PRKCZ: variants seen among roughly 807,000 people sequenced by gnomAD.
PRKCZ encodes protein kinase C zeta.
In PRKCZ, 33 loss-of-function variants were observed where a neutral mutation model predicts 79.5. The ratio of observed to expected loss-of-function variants is 0.41; its 90% CI spans 0.31 to 0.55. The LOEUF is 0.55. Among genes scored for constraint, PRKCZ ranks in the 20% least tolerant of loss-of-function variants. The probability of loss-of-function intolerance (pLI) is 0.19; values close to 1 mark genes in which losing one functional copy is unlikely to be tolerated. For synonymous variants in PRKCZ, 342 were observed against 320.9 expected (o/e 1.07, Z -0.70); for missense variants, 578 against 813.5 (o/e 0.71, Z 3.52).
chr1:2,087,991 G>T (rs569766121), intron 4 of PRKCZ, among the ~76,000 whole-genome samples: 1 of 152,244 alleles, frequency 6.6e-6, no homozygotes, highest in African/African-American at 2.4e-5. Flanking sequence ...CGTGCTGGCC[G>T]CCTGGACACT....
intron 4 of PRKCZ, among the ~76,000 whole-genome samples, chr1:2,134,214 G>A (rs770675078): frequency 6.6e-6 from 1 of 152,302 alleles, no homozygotes; most frequent in Admixed American, 6.5e-5. Context: ...TCTTGGTTTC[G>A]CTCTGAATCT....
intron 4 of PRKCZ, among the ~76,000 whole-genome samples, chr1:2,071,697 G>A (rs1313998211): frequency 1.3e-5 from 2 of 152,244 alleles, no homozygotes; most frequent in Non-Finnish European, 2.9e-5. Context: ...TTGGCTGAAG[G>A]ACAGTGGTCG....
chr1:2,061,929 C>T (rs1281689810), intron 4 of PRKCZ, among the ~76,000 whole-genome samples: 2 of 152,140 alleles, frequency 1.3e-5, no homozygotes, highest in Non-Finnish European at 2.9e-5. Context: ...TGGGGGTGTT[C>T]ACAGGTGTTT....
At chr1:2,162,223 CT>C (rs1250231015) in intron 10 of PRKCZ, among the ~76,000 whole-genome samples, 2 of 152,246 alleles carry the variant, frequency 1.3e-5, no homozygotes, top group Non-Finnish European at 2.9e-5. Context: ...CCTCCGCCCC[CT>C]GGGTTCGAGG....
chr1:2,081,920 C>T (rs554157850), intron 4 of PRKCZ, among the ~76,000 whole-genome samples: 17 of 152,284 alleles, frequency 1.1e-4, no homozygotes, highest in South Asian at 6.2e-4. Context: ...GGGCAGAGAG[C>T]GGCACCATCG....
At position 2,059,590 on chromosome 1, in the gene PRKCZ, C is replaced by T. The variant is rs746191235; in HGVS notation, c.333C>T (p.Asp111=). The change falls in exon 4 of 18, where the codon GAC becomes GAT. Residue 111 remains aspartate, a splice_region_variant and synonymous_variant. Transcript: ENST00000378567. ...CTGGCCTGCCATGTCCGGGAGAAGA[C>T]AGTGAGTACTGGGGTTTCCTACGCC... is the stretch of plus-strand genomic sequence containing the variant. ...EQPGLPCPGE[D]KSIYRRGARR... 2 of 1,614,156 alleles carry T rather than the reference C, an allele frequency of 1.2e-6. No individual in the cohort carries two copies. The highest frequency in any genetic ancestry group is 2.2e-5 in the South Asian group (2 of 91,086).
intron 4 of PRKCZ, among the ~76,000 whole-genome samples, chr1:2,114,920 T>G: frequency 6.6e-6 from 1 of 152,234 alleles, no homozygotes; most frequent in East Asian, 1.9e-4. Flanking sequence ...TTTTTAAAAT[T>G]GAAACAAAAC....
intron 4 of PRKCZ, among the ~76,000 whole-genome samples, chr1:2,106,166 C>T (rs908654540): frequency 6.6e-6 from 1 of 152,230 alleles, no homozygotes; most frequent in Non-Finnish European, 1.5e-5. Context: ...GGACACAAAG[C>T]CCCCTAGAGC....
intron 16 of PRKCZ, among the ~76,000 whole-genome samples, chr1:2,183,280 C>T (rs1033200846): frequency 1.6e-4 from 25 of 151,896 alleles, no homozygotes; most frequent in African/African-American, 5.3e-4. Context: ...CCTGTAGTCC[C>T]GGCTACTCAG....
chr1:2,110,039 G>T (rs1439954989), intron 4 of PRKCZ, among the ~76,000 whole-genome samples: 1 of 151,904 alleles, frequency 6.6e-6, no homozygotes, highest in Non-Finnish European at 1.5e-5. Context: ...CTCCCTGGGG[G>T]CAGCCAAGGA....
chr1:2,162,681 C>T lies in PRKCZ; in HGVS notation c.974+6589C>T, dbSNP rs10797443. On this transcript the variant is annotated intron_variant, in intron 10 of 17. Transcript: ENST00000378567. ...CAATCTGGTCTCAAACTCCTGGGCTCAAACGATTCTCCCACCTCAGCTTCC... is the reference window on the plus strand; with the variant it reads ...CAATCTGGTCTCAAACTCCTGGGCTTAAACGATTCTCCCACCTCAGCTTCC... Among the ~76,000 whole-genome samples the T allele has an allele frequency of 4.6e-5, 7 of 152,306 alleles. No homozygotes were observed. In the East Asian group the frequency reaches 1.4e-3, roughly 29 times the overall value.
At chr1:2,179,847 G>A (rs142841855) in intron 16 of PRKCZ, among the ~76,000 whole-genome samples, 3 of 152,302 alleles carry the variant, frequency 2.0e-5, no homozygotes, top group African/African-American at 4.8e-5. Context: ...CTGGGAGCTC[G>A]GTGGGAGGAA....
chr1:2,123,841 G>A (rs1284813975), intron 4 of PRKCZ, among the ~76,000 whole-genome samples: 10 of 10,314 alleles, frequency 9.7e-4, no homozygotes, highest in Non-Finnish European at 1.4e-3. Context: ...TCACGGTGGT[G>A]GTTAGGGTTG....
intron 4 of PRKCZ, among the ~76,000 whole-genome samples, chr1:2,115,241 G>C (rs945424106): frequency 5.3e-5 from 8 of 152,260 alleles, no homozygotes; most frequent in Admixed American, 5.2e-4. Flanking sequence ...CTGCGGGGCT[G>C]CTCTGCTGGC....
rs1674254060 is a variant in PRKCZ, at chr1:2,127,884, G to A, written c.335-7378G>A. Among the ~76,000 whole-genome samples the A allele has an allele frequency of 6.6e-6, 1 of 152,238 alleles. No individual in the cohort carries two copies. Among genetic ancestry groups the A allele is most frequent in the South Asian group, 2.1e-4 (1 of 4,838 alleles). ...CCAAACTCCAGTGTCTGGGCCACGG[G>A]CAGCCCTGGGACACCTTAGCTCTGG... On this transcript the variant is annotated intron_variant, in intron 4 of 17. Coordinates refer to ENST00000378567, the MANE Select transcript of PRKCZ (RefSeq NM_002744.6). The surrounding 1 kb of genome is among the most constrained non-coding windows in gnomAD (Gnocchi z 5.1).
chr1:2,163,462 C>A (rs182788379), intron 10 of PRKCZ, among the ~76,000 whole-genome samples: 1 of 152,334 alleles, frequency 6.6e-6, no homozygotes, highest in Admixed American at 6.5e-5. Flanking sequence ...GCCTCTCAGC[C>A]CCCAGCCACT....
intron 4 of PRKCZ, chr1:2,073,610 T>C: frequency 1.0e-6 from 1 of 988,778 alleles, no homozygotes; most frequent in South Asian, 4.7e-5. Context: ...CTTGTTTTCC[T>C]GTGACGTCAG....
chr1:2,161,627 G>A (rs976813312), intron 10 of PRKCZ, among the ~76,000 whole-genome samples: 1 of 152,224 alleles, frequency 6.6e-6, no homozygotes, highest in South Asian at 2.1e-4. Context: ...GGCACTGGCC[G>A]CTCTTAGAAC....
chr1:2,090,856 T>C (rs747548888), intron 4 of PRKCZ, among the ~76,000 whole-genome samples: 2 of 152,242 alleles, frequency 1.3e-5, no homozygotes, highest in Non-Finnish European at 2.9e-5. Flanking sequence ...AACAAATGGT[T>C]TATCCATATT....
Sources: allele counts gnomAD v4.1 joint callset (sites outside exome capture counted in the v4.1 genomes callset), GRCh38; gene constraint gnomAD v4.1.1; non-coding constraint Gnocchi (gnomAD v3.1); transcripts MANE v1.5; gene names NCBI Gene and HGNC (gene_info 2026-07-23, HGNC 2026-07-21).